Variants in VOPP1 observed in about 807,000 individuals in gnomAD.
The protein encoded by VOPP1 is VOPP1 WW domain binding protein, also known as WW domain binding protein VOPP1.
VOPP1 carries 8 observed loss-of-function variants against 23.5 expected under a neutral mutation model. The observed-to-expected ratio is 0.34, with a 90% CI of 0.20 to 0.61. VOPP1 has a LOEUF of 0.61. Ranked by LOEUF, VOPP1 falls within the 20% of genes least tolerant of loss-of-function variation. The pLI is 0.78. For synonymous variants in VOPP1, 83 were observed against 97.3 expected (o/e 0.85, Z 0.86); for missense variants, 174 against 238.1 (o/e 0.73, Z 1.77).
chr7:55,479,788 T>C (rs1413616899), intron 4 of VOPP1, among the ~76,000 whole-genome samples: 4 of 152,212 alleles, frequency 2.6e-5, no homozygotes, highest in Non-Finnish European at 5.9e-5. Flanking sequence ...GCTGGTAACA[T>C]GGAGCACACA....
intron 4 of VOPP1, among the ~76,000 whole-genome samples, chr7:55,445,166 G>A (rs1285795074): frequency 6.6e-6 from 1 of 151,784 alleles, no homozygotes; most frequent in Admixed American, 6.6e-5. Context: ...GCTTTAGCAC[G>A]TGTGCTCTTT....
intron 2 of VOPP1, among the ~76,000 whole-genome samples, chr7:55,500,266 G>A (rs1316775507): frequency 1.3e-5 from 2 of 152,224 alleles, no homozygotes; most frequent in African/African-American, 4.8e-5. Context: ...ACGAGATGGT[G>A]TGTTATCTAA....
intron 1 of VOPP1, among the ~76,000 whole-genome samples, chr7:55,528,514 A>C (rs1223401294): frequency 2.0e-5 from 3 of 152,172 alleles, no homozygotes. Context: ...GTAAAACCCC[A>C]TCTGTACTAA....
chr7:55,555,113 CT>C (rs1319880339), intron 1 of VOPP1, among the ~76,000 whole-genome samples: 1 of 152,192 alleles, frequency 6.6e-6, no homozygotes, highest in Non-Finnish European at 1.5e-5. Flanking sequence ...GAGAAATATA[CT>C]TTTTAAAAAG....
intron 4 of VOPP1, among the ~76,000 whole-genome samples, chr7:55,446,149 C>G (rs368659149): frequency 1.3e-5 from 2 of 152,100 alleles, no homozygotes; most frequent in East Asian, 3.9e-4. Context: ...CCCGCCACCA[C>G]GCCCAGATAA....
chr7:55,460,256 G>A (rs1791466386), intron 4 of VOPP1, among the ~76,000 whole-genome samples: 1 of 152,156 alleles, frequency 6.6e-6, no homozygotes, highest in Admixed American at 6.6e-5. Context: ...ATTTTAAAAT[G>A]TGTTGAGATT....
chr7:55,450,948 C>T (rs1469219579), intron 4 of VOPP1, among the ~76,000 whole-genome samples: 3 of 152,218 alleles, frequency 2.0e-5, no homozygotes, highest in Non-Finnish European at 4.4e-5. Context: ...CTGTTGAAAA[C>T]AGACCAAGCC....
At chr7:55,540,438 TAAATAA>T in intron 1 of VOPP1, among the ~76,000 whole-genome samples, 1 of 123,498 alleles carries the variant, frequency 8.1e-6, no homozygotes, top group African/African-American at 2.9e-5. Context: ...AATAAATAAA[TAAATAA>T]AAATAAATGA....
chr7:55,444,655 T>C (rs1350771618), intron 4 of VOPP1, among the ~76,000 whole-genome samples: 1 of 152,028 alleles, frequency 6.6e-6, no homozygotes, highest in East Asian at 1.9e-4. Flanking sequence ...GTTCACCCCA[T>C]TGTGGCATCA....
intron 2 of VOPP1, among the ~76,000 whole-genome samples, chr7:55,511,097 G>A (rs1039915214): frequency 2.0e-5 from 3 of 152,192 alleles, no homozygotes; most frequent in African/African-American, 7.2e-5. Flanking sequence ...TCAGAACCTT[G>A]TAAAGGTTTT....
chr7:55,570,331 T>G (rs1798306165), intron 1 of VOPP1, among the ~76,000 whole-genome samples: 1 of 152,214 alleles, frequency 6.6e-6, no homozygotes, highest in Non-Finnish European at 1.5e-5. Context: ...CATGTCAAAG[T>G]GGGTGACATC....
intron 2 of VOPP1, among the ~76,000 whole-genome samples, chr7:55,499,541 G>A (rs1182191870): frequency 6.6e-6 from 1 of 152,214 alleles, no homozygotes; most frequent in East Asian, 1.9e-4. Flanking sequence ...TCTAGAAGGG[G>A]GAGAAAATAG....
chr7:55,518,047 T>C (rs1166780161), intron 2 of VOPP1, among the ~76,000 whole-genome samples: 1 of 152,222 alleles, frequency 6.6e-6, no homozygotes, highest in Non-Finnish European at 1.5e-5. Flanking sequence ...TCTATAGCAC[T>C]AATCTCATGA....
intron 2 of VOPP1, among the ~76,000 whole-genome samples, chr7:55,519,281 T>C (rs529003059): frequency 1.3e-5 from 2 of 152,206 alleles, no homozygotes; most frequent in African/African-American, 2.4e-5. Context: ...AAGCAGGGCT[T>C]GTCTTTTGTA....
intron 4 of VOPP1, among the ~76,000 whole-genome samples, chr7:55,491,286 T>C (rs1164633313): frequency 2.0e-5 from 3 of 152,252 alleles, no homozygotes; most frequent in Admixed American, 2.0e-4. Context: ...TACAGTTGTA[T>C]TAATTGTAGG....
chr7:55,438,237 A>T (rs1339552647), intron 4 of VOPP1, among the ~76,000 whole-genome samples: 1 of 151,778 alleles, frequency 6.6e-6, no homozygotes, highest in African/African-American at 2.4e-5. Context: ...CTCTCCGAGG[A>T]TGTTAATTTA....
At chr7:55,456,982 TTAAC>T (rs1791383284) in intron 4 of VOPP1, among the ~76,000 whole-genome samples, 1 of 152,264 alleles carries the variant, frequency 6.6e-6, no homozygotes, top group Admixed American at 6.5e-5. Flanking sequence ...AAATATATTA[TTAAC>T]TATAGTCACC....
intron 1 of VOPP1, among the ~76,000 whole-genome samples, chr7:55,541,622 AATGAAAACAT>A (rs1797137157): frequency 1.3e-5 from 2 of 152,212 alleles, no homozygotes; most frequent in African/African-American, 2.4e-5. Context: ...ATCCAAGAGA[AATGAAAACAT>A]ATGCCCACAA....
rs1791779768 is a variant in VOPP1, at chr7:55,470,976, C to T, written c.*1879G>A. Reference sequence around the variant, plus strand: ...TGTTGAGCCCTAGCCATCACTGTCTCTTAACATAATTTGCTATCAAAAAGA... The same window carrying T: ...TGTTGAGCCCTAGCCATCACTGTCTTTTAACATAATTTGCTATCAAAAAGA... On this transcript the variant is annotated 3_prime_UTR_variant, in exon 5 of 5. Coordinates refer to ENST00000285279, the MANE Select transcript of VOPP1 (RefSeq NM_030796.5). The T allele has an allele frequency of 1.3e-5, 2 of 152,676 alleles. No individual in the cohort carries two copies. Among genetic ancestry groups the T allele is most frequent in the African/African-American group, 4.8e-5 (2 of 41,464 alleles). 9.5% of individuals were successfully genotyped at this position (152,676 alleles called of 1,614,324 possible).
Sources: gnomAD v4.1 joint callset for allele counts (sites outside exome capture counted in the v4.1 genomes callset) on GRCh38, gnomAD v4.1.1 for gene constraint, MANE v1.5 for transcripts, NCBI Gene and HGNC (gene_info 2026-07-23, HGNC 2026-07-21) for gene names.